The following MCF2L variants were observed in gnomAD, a reference collection of about 807,000 sequenced individuals.
The protein encoded by MCF2L is guanine nucleotide exchange factor DBS.
In MCF2L, 97 loss-of-function variants were observed where a neutral mutation model predicts 153.4. The observed-to-expected ratio is 0.63, with a 90% confidence interval of 0.54 to 0.75. The LOEUF (loss-of-function observed/expected upper bound fraction) is 0.75. Ranked by LOEUF, MCF2L falls within the 30% of genes least tolerant of loss-of-function variation. The pLI is 0.00. For synonymous variants in MCF2L, 659 were observed against 632.2 expected, an observed-to-expected ratio of 1.04 and a Z score of -0.64; for missense variants, 1,347 against 1,495.2, an observed-to-expected ratio of 0.90 and a Z score of 1.64.
chr13:112,910,530 TAC>T (rs892339555), intron 2 of MCF2L: 1 of 152,246 alleles, frequency 6.6e-6, no homozygotes, highest in Non-Finnish European at 1.5e-5. Flanking sequence ...ATAAAAACGA[TAC>T]ACAGTCTTCA....
At chr13:112,998,596 C>T (rs2141025762) in intron 1 of MCF2L, among the ~76,000 whole-genome samples, 1 of 152,250 alleles carries the variant, frequency 6.6e-6, no homozygotes, top group African/African-American at 2.4e-5. Flanking sequence ...GTCGTGTGTT[C>T]AAAATGTGTG....
At position 113,014,974 on chromosome 13, in the gene MCF2L, C is replaced by A. The variant is rs1227412738; in HGVS notation, c.163+128C>A. 5 of 771,766 alleles carry A rather than the reference C, an allele frequency of 6.5e-6. No homozygotes were observed. The African/African-American group carries it at 6.8e-5, about 11-fold the overall frequency. 47.8% of individuals were successfully genotyped at this position (771,766 alleles called of 1,614,324 possible). On this transcript the variant is annotated intron_variant, in intron 2 of 29. Coordinates refer to ENST00000535094, the MANE Select transcript of MCF2L (RefSeq NM_001112732.3). ...CATGCGAGGGGCTGTGTATTCACTG[C>A]CTTGGGTCTGACCTGTGACCTGGCT...
At chr13:112,944,654 T>G (rs2140683134) in intron 2 of MCF2L, among the ~76,000 whole-genome samples, 1 of 150,914 alleles carries the variant, frequency 6.6e-6, no homozygotes. Flanking sequence ...TCACGGCTAA[T>G]TTTTTGTATT....
intron 1 of MCF2L, among the ~76,000 whole-genome samples, chr13:113,008,132 G>T (rs1386200157): frequency 6.6e-6 from 1 of 152,118 alleles, no homozygotes; most frequent in African/African-American, 2.4e-5. Flanking sequence ...GACCAGGCTG[G>T]TCTTGAACTC....
upstream of MCF2L, chr13:112,968,466 T>C: frequency 6.3e-7 from 1 of 1,589,248 alleles, no homozygotes; most frequent in Non-Finnish European, 8.5e-7. Flanking sequence ...GTGCCAACCA[T>C]GGCGAGGGTG....
intron 1 of MCF2L, among the ~76,000 whole-genome samples, chr13:112,986,225 G>A (rs1052140331): frequency 4.7e-5 from 7 of 150,180 alleles, no homozygotes; most frequent in South Asian, 2.1e-4. Context: ...GGATGGGGCC[G>A]CGGCCGGATG....
At chr13:112,976,902 C>A (rs1200813891) in intron 1 of MCF2L, among the ~76,000 whole-genome samples, 1 of 152,194 alleles carries the variant, frequency 6.6e-6, no homozygotes, top group Non-Finnish European at 1.5e-5. Context: ...TGCGGGGCTT[C>A]CCAGTGCTGC....
At position 112,916,533 on chromosome 13, in the gene MCF2L, C is replaced by T. The variant is rs114334086; in HGVS notation, c.169+14162C>T. ...TCCTCTCCCTTCTCACCCAGCGTCA[C>T]GCCCTGACCCCTCGGCTCCCGTGTC... On this transcript the variant is annotated intron_variant, in intron 2 of 29. Coordinates refer to the MCF2L transcript ENST00000375608. 6.3e-3 allele frequency among the ~76,000 whole-genome samples: 955 copies of T among 152,330 alleles called. 15 individuals carry two copies. The highest frequency in any genetic ancestry group is 0.022 in the African/African-American group (925 of 41,566).
In MCF2L at chr13:113,089,917, C is replaced by T. The variant is rs752770195; in HGVS notation, c.2953+189C>T. 7.9e-5 allele frequency: 127 copies of T among 1,602,070 alleles called. No homozygotes were observed. In the East Asian group the frequency reaches 2.8e-3, roughly 36 times the overall value. Reference sequence around the variant, plus strand: ...GAAGAGCCCCTCCCTCTCCATTGCTCTGCACCCCTGCATCAGCAAGGCCAG... The same window carrying T: ...GAAGAGCCCCTCCCTCTCCATTGCTTTGCACCCCTGCATCAGCAAGGCCAG... On this transcript the variant is annotated intron_variant, in intron 26 of 29. Coordinates refer to ENST00000535094, the MANE Select transcript of MCF2L (RefSeq NM_001112732.3).
chr13:113,016,894 G>T (rs61967111), intron 2 of MCF2L, among the ~76,000 whole-genome samples: 42 of 152,310 alleles, frequency 2.8e-4, no homozygotes, highest in African/African-American at 7.5e-4. Flanking sequence ...CCTCCTGAGG[G>T]CTGGGTTTGT....
At chr13:112,953,537 C>T (rs929730392) in intron 2 of MCF2L, among the ~76,000 whole-genome samples, 2 of 152,230 alleles carry the variant, frequency 1.3e-5, no homozygotes, top group Non-Finnish European at 2.9e-5. Flanking sequence ...CTCTGTTCCA[C>T]GTAATTTACC....
At chr13:113,091,935 C>G (rs968554598) in intron 26 of MCF2L, among the ~76,000 whole-genome samples, 1 of 152,188 alleles carries the variant, frequency 6.6e-6, no homozygotes, top group Non-Finnish European at 1.5e-5. Context: ...TCACATGACA[C>G]AGCGAGCCTC....
intron 2 of MCF2L, among the ~76,000 whole-genome samples, chr13:113,024,057 G>T (rs1223227788): frequency 6.6e-6 from 1 of 152,240 alleles, no homozygotes; most frequent in Non-Finnish European, 1.5e-5. Context: ...GTGTGGCAGG[G>T]TCAGTGGCCG....
chr13:113,002,055 G>A (rs1217805511), intron 1 of MCF2L: 41 of 1,417,332 alleles, frequency 2.9e-5, no homozygotes, highest in East Asian at 2.8e-4. Context: ...GACGCCGGGC[G>A]GGGGTGGACG....
rs528565726 is a variant in MCF2L, at chr13:113,018,188, C to T, written c.163+3342C>T. Among the ~76,000 whole-genome samples, 9 of 152,302 alleles carry T rather than the reference C, an allele frequency of 5.9e-5. No individual in the cohort carries two copies. In the South Asian group the frequency reaches 1.4e-3, roughly 25 times the overall value. On this transcript the variant is annotated intron_variant, in intron 2 of 29. Transcript: ENST00000535094. Reference sequence around the variant, plus strand: ...CGTAAACCTCGGGGGCTCCGGACTCCTGTACGTTGCCGCCCAAAGTCAGGA... The same window carrying T: ...CGTAAACCTCGGGGGCTCCGGACTCTTGTACGTTGCCGCCCAAAGTCAGGA...
At chr13:112,991,150 G>A (rs1251547263) in intron 1 of MCF2L, among the ~76,000 whole-genome samples, 1 of 152,254 alleles carries the variant, frequency 6.6e-6, no homozygotes, top group African/African-American at 2.4e-5. Context: ...GAACTTGAGT[G>A]TGGCCACAGC....
intron 25 of MCF2L, among the ~76,000 whole-genome samples, chr13:113,089,174 C>G (rs1242604519): frequency 6.0e-5 from 7 of 117,500 alleles, no homozygotes; most frequent in African/African-American, 1.1e-4. Flanking sequence ...CCCCCGCCCC[C>G]CCCCCCGCCC....
At chr13:112,987,390 C>A (rs2082694127) in intron 1 of MCF2L, among the ~76,000 whole-genome samples, 1 of 152,142 alleles carries the variant, frequency 6.6e-6, no homozygotes, top group Admixed American at 6.5e-5. Flanking sequence ...ACCCATTGGT[C>A]TTTTTCCTCT....
chr13:112,917,532 C>T (rs191226326), intron 2 of MCF2L: 274 of 253,858 alleles, frequency 1.1e-3, no homozygotes, highest in Admixed American at 1.5e-3. Context: ...AAGGTGAGTG[C>T]GGGCCCTTCT....
Sources: gnomAD v4.1 joint callset for allele counts (sites outside exome capture counted in the v4.1 genomes callset) on GRCh38, gnomAD v4.1.1 for gene constraint, MANE v1.5 for transcripts, NCBI Gene and HGNC (gene_info 2026-07-23, HGNC 2026-07-21) for gene names.